The following FILIP1L variants were observed in gnomAD, a reference collection of about 807,000 sequenced individuals.
FILIP1L encodes filamin A interacting protein 1 like, also known as filamin A-interacting protein 1-like.
FILIP1L carries 55 observed loss-of-function variants against 96.6 expected under a neutral mutation model. The observed-to-expected ratio is 0.57, with a 90% CI of 0.46 to 0.71. The LOEUF (loss-of-function observed/expected upper bound fraction) is 0.71, where lower values mean the gene tolerates loss of function less well. Ranked by LOEUF, FILIP1L falls within the 30% of genes least tolerant of loss-of-function variation. The pLI is 0.00. For synonymous variants in FILIP1L, 467 were observed against 473.9 expected (o/e 0.99, Z 0.19); for missense variants, 1,304 against 1,321.2 (o/e 0.99, Z 0.20).
Position 99,946,204 on chromosome 3 carries a change from T to A in FILIP1L, c.-10-15174A>T, listed in dbSNP as rs372256116. On this transcript the variant is annotated intron_variant, in intron 1 of 5. Coordinates refer to ENST00000477258, the MANE Select transcript of FILIP1L (RefSeq NM_001387850.1). The stretch of plus-strand genomic sequence containing the variant: ...CATTTTAAAAAATTGGGTATGTCTA[T>A]TACATCTTCAGAATAGCCCTGGATA... Among the ~76,000 whole-genome samples the A allele has an allele frequency of 7.2e-5, 11 of 152,330 alleles. No individual in the cohort carries two copies. In the East Asian group the frequency reaches 9.6e-4, roughly 13 times the overall value.
At chr3:100,093,097 A>G (rs2066141441) in intron 1 of FILIP1L, among the ~76,000 whole-genome samples, 1 of 152,118 alleles carries the variant, frequency 6.6e-6, no homozygotes, top group Non-Finnish European at 1.5e-5. Flanking sequence ...TGAAGTGTAA[A>G]ATTTTAAAAG....
intron 1 of FILIP1L, among the ~76,000 whole-genome samples, chr3:100,059,531 CAA>C (rs1233576859): frequency 6.6e-6 from 1 of 152,070 alleles, no homozygotes; most frequent in Non-Finnish European, 1.5e-5. Flanking sequence ...GAGATGAAGA[CAA>C]AGTTTCTATC....
Position 99,930,805 on chromosome 3 carries a change from C to CAGGT in FILIP1L, c.212_215dup (p.Leu73ProfsTer17). On this transcript the variant is annotated frameshift_variant, in exon 2 of 6. Transcript: ENST00000477258. LOFTEE classifies it high-confidence loss of function. ...CCTCCAGAATGCTGAGGAGAAATAA[C>CAGGT]AGGTCATCTCTTGAGAGGTCTTCTG... The CAGGT allele has an allele frequency of 6.2e-7, 1 of 1,613,100 alleles. No individual in the cohort carries two copies. The highest frequency in any genetic ancestry group is 8.5e-7 in the Non-Finnish European group (1 of 1,179,810).
At chr3:100,113,323 G>A (rs1003986061) in intron 1 of FILIP1L, among the ~76,000 whole-genome samples, 1 of 152,118 alleles carries the variant, frequency 6.6e-6, no homozygotes, top group Admixed American at 6.5e-5. Context: ...ATATCATTTG[G>A]CAGCAGCCTA....
Position 99,851,166 on chromosome 3 carries a change from A to G in FILIP1L, c.606-96T>C, listed in dbSNP as rs1006425483. ...TATGTAATTTAGAAATTATGTAATT[A>G]TATGAGCTGTGTCAGTTCATATACA... On this transcript the variant is annotated intron_variant, in intron 4 of 5. Transcript: ENST00000477258. 1.1e-5 allele frequency: 11 copies of G among 1,014,910 alleles called. No homozygotes were observed. The African/African-American group carries it at 1.1e-4, about 11-fold the overall frequency. 62.9% of individuals were successfully genotyped at this position (1,014,910 alleles called of 1,614,324 possible). A position where few individuals can be genotyped will look rare whatever the true frequency, so the allele number is the denominator to read the frequency against.
chr3:99,949,635 A>G (rs916531439), intron 1 of FILIP1L, among the ~76,000 whole-genome samples: 24 of 152,246 alleles, frequency 1.6e-4, no homozygotes, highest in African/African-American at 5.1e-4. Flanking sequence ...TAAGAAAGAC[A>G]AAGAAGTGCA....
intron 5 of FILIP1L, among the ~76,000 whole-genome samples, chr3:99,836,003 C>T (rs899412926): frequency 1.3e-5 from 2 of 151,978 alleles, no homozygotes; most frequent in Admixed American, 1.3e-4. Context: ...GAGGGTATGT[C>T]CAGAGTTTCA....
chr3:99,864,324 A>G (rs563836088), intron 4 of FILIP1L, among the ~76,000 whole-genome samples: 1 of 152,256 alleles, frequency 6.6e-6, no homozygotes, highest in South Asian at 2.1e-4. Context: ...TTATAAAGAG[A>G]AGGAAACAAG....
intron 1 of FILIP1L, among the ~76,000 whole-genome samples, chr3:100,047,688 C>G (rs2065299362): frequency 6.6e-6 from 1 of 152,162 alleles, no homozygotes; most frequent in Non-Finnish European, 1.5e-5. Context: ...TATGTGAAGT[C>G]AAGAAACAAT....
At chr3:99,851,103 T>C in intron 4 of FILIP1L, 33 bp from the exon 5 acceptor site, 2 of 1,516,596 alleles carry the variant, frequency 1.3e-6, no homozygotes, top group Non-Finnish European at 1.8e-6. Context: ...TATTTTGTGA[T>C]TGATGCTTTA....
At chr3:100,016,713 T>C (rs1313511908) in intron 1 of FILIP1L, among the ~76,000 whole-genome samples, 1 of 152,266 alleles carries the variant, frequency 6.6e-6, no homozygotes, top group African/African-American at 2.4e-5. Context: ...TTGAATCCTT[T>C]TTATCCTTTC....
rs1342255259 is a variant in FILIP1L at position 100,021,956 on chromosome 3, TGTGTGA to T, written c.-10-90932_-10-90927del. Among the ~76,000 whole-genome samples the T allele has an allele frequency of 6.4e-3, 601 of 94,412 alleles. 3 individuals carry two copies. The highest frequency in any genetic ancestry group is 0.019 in the African/African-American group (528 of 27,564). 61.9% of individuals were successfully genotyped at this position (94,412 alleles called of 152,430 possible). A position where few individuals can be genotyped will look rare whatever the true frequency, so the allele number is the denominator to read the frequency against. ...GTGTGTGTGTGTGTGTGTGTGTGTG[TGTGTGA>T]GAGAGAGAGAGAGAGAGAGAGAGAG... On this transcript the variant is annotated intron_variant, in intron 1 of 5. Coordinates refer to ENST00000477258, the MANE Select transcript of FILIP1L (RefSeq NM_001387850.1).
chr3:99,902,212 T>C (rs1706459395), intron 4 of FILIP1L, among the ~76,000 whole-genome samples: 1 of 152,200 alleles, frequency 6.6e-6, no homozygotes, highest in African/African-American at 2.4e-5. Flanking sequence ...CTTAGTACCA[T>C]GTGACATTTT....
chr3:99,834,685 G>A (rs1357046217), intron 5 of FILIP1L, among the ~76,000 whole-genome samples: 5 of 151,894 alleles, frequency 3.3e-5, no homozygotes, highest in Middle Eastern at 3.4e-3. Flanking sequence ...CCTCTCCTGT[G>A]TCTTTCTCAT....
intron 4 of FILIP1L, among the ~76,000 whole-genome samples, chr3:99,862,996 T>C (rs1944335189): frequency 6.6e-6 from 1 of 152,210 alleles, no homozygotes; most frequent in South Asian, 2.1e-4. Context: ...TTTTTGGATG[T>C]GAATGTGTAC....
intron 4 of FILIP1L, among the ~76,000 whole-genome samples, chr3:99,915,293 C>CA (rs1335721879): frequency 2.0e-5 from 3 of 151,872 alleles, no homozygotes; most frequent in Non-Finnish European, 2.9e-5. Context: ...TTCACTCATT[C>CA]AAAAAAAATA....
chr3:99,864,533 T>C (rs577093450), intron 4 of FILIP1L, among the ~76,000 whole-genome samples: 1 of 152,302 alleles, frequency 6.6e-6, no homozygotes, highest in African/African-American at 2.4e-5. Flanking sequence ...GTGTTCTTTC[T>C]ACCTAACAAC....
At position 99,837,362 on chromosome 3, in the gene FILIP1L, A is replaced by G. The variant is rs76858522; in HGVS notation, c.3382-6757T>C. On this transcript the variant is annotated intron_variant, in intron 5 of 5. Coordinates refer to ENST00000477258, the MANE Select transcript of FILIP1L (RefSeq NM_001387850.1). ...TTCAAAAGTGACTGATCTCAGGCACAGTGAATTCAGGCAAGAACACCATGA... is the reference window on the plus strand; with the variant it reads ...TTCAAAAGTGACTGATCTCAGGCACGGTGAATTCAGGCAAGAACACCATGA... 6.8e-3 allele frequency among the ~76,000 whole-genome samples: 1,031 copies of G among 152,086 alleles called. 15 individuals carry two copies. The highest frequency in any genetic ancestry group is 0.023 in the African/African-American group (956 of 41,490).
intron 4 of FILIP1L, among the ~76,000 whole-genome samples, chr3:99,902,177 A>G (rs1043671165): frequency 4.6e-5 from 7 of 152,302 alleles, no homozygotes; most frequent in African/African-American, 1.4e-4. Flanking sequence ...AATTAGTGTA[A>G]CTGACTCTTA....
Sources: gnomAD v4.1 joint callset for allele counts (sites outside exome capture counted in the v4.1 genomes callset) on GRCh38, gnomAD v4.1.1 for gene constraint, MANE v1.5 for transcripts, NCBI Gene and HGNC (gene_info 2026-07-23, HGNC 2026-07-21) for gene names.